ARSB: variants seen among roughly 807,000 people sequenced by gnomAD.
ARSB encodes the protein arylsulfatase B.
In ARSB, 41 loss-of-function variants were observed where a neutral mutation model predicts 50.9. The ratio of observed to expected loss-of-function variants is 0.81; its 90% CI spans 0.63 to 1.04. The LOEUF (loss-of-function observed/expected upper bound fraction) is 1.04, where lower values mean the gene tolerates loss of function less well. ARSB is among the 50% of genes least tolerant of loss of function. The probability of loss-of-function intolerance (pLI) is 0.00; values close to 1 mark genes in which losing one functional copy is unlikely to be tolerated. For synonymous variants in ARSB, 269 were observed against 284.8 expected (o/e 0.94, Z 0.56); for missense variants, 672 against 693.3 (o/e 0.97, Z 0.35).
At chr5:78,874,237 T>G (rs1326685519) in intron 5 of ARSB, among the ~76,000 whole-genome samples, 2 of 152,228 alleles carry the variant, frequency 1.3e-5, no homozygotes, top group South Asian at 4.1e-4. Context: ...AACTAAGAGA[T>G]AATTGTGAAC....
intron 3 of ARSB, among the ~76,000 whole-genome samples, chr5:78,961,338 T>C (rs575271827): frequency 1.6e-4 from 25 of 152,368 alleles, no homozygotes; most frequent in African/African-American, 2.4e-4. Context: ...AGCTTGACTA[T>C]TGATTATTTC....
intron 4 of ARSB, among the ~76,000 whole-genome samples, chr5:78,911,446 C>A (rs10942880): frequency 0.29 from 43,763 of 150,954 alleles, 6,606 homozygotes; most frequent in Middle Eastern, 0.36. Context: ...TGGTGGTGCA[C>A]GCCTGTAATT....
intron 5 of ARSB, among the ~76,000 whole-genome samples, chr5:78,877,839 T>C (rs1231577024): frequency 6.6e-6 from 1 of 152,170 alleles, no homozygotes; most frequent in East Asian, 1.9e-4. Flanking sequence ...AGAAGTGATA[T>C]AGATGTTGGA....
chr5:78,966,134 A>G (rs921945), intron 2 of ARSB, among the ~76,000 whole-genome samples: 40,289 of 152,124 alleles, frequency 0.26, 6,641 homozygotes, highest in African/African-American at 0.47. Flanking sequence ...TCTATCAGTT[A>G]GCAGAATATA....
At chr5:78,883,630 A>C (rs1301810002) in intron 5 of ARSB, 1 of 152,244 alleles carries the variant, frequency 6.6e-6, no homozygotes, top group Non-Finnish European at 1.5e-5. Flanking sequence ...TAATTGAAAG[A>C]AGGTTATAAA....
chr5:78,867,074 C>T (rs1313470873), intron 5 of ARSB, among the ~76,000 whole-genome samples: 4 of 152,104 alleles, frequency 2.6e-5, no homozygotes, highest in South Asian at 2.1e-4. Context: ...CCTGGAAAAT[C>T]GGGTCACTCC....
At chr5:78,975,961 G>A (rs1752642897) in intron 1 of ARSB, among the ~76,000 whole-genome samples, 1 of 152,232 alleles carries the variant, frequency 6.6e-6, no homozygotes, top group South Asian at 2.1e-4. Flanking sequence ...TAAGAATATG[G>A]AAAATTAGTA....
upstream of ARSB, chr5:78,985,940 C>G (rs982877882): frequency 6.6e-6 from 1 of 152,306 alleles, no homozygotes; most frequent in Admixed American, 6.5e-5. Context: ...CGGTTACTTT[C>G]AAGTTGCCCT....
At chr5:78,914,953 C>T (rs978024402) in intron 4 of ARSB, among the ~76,000 whole-genome samples, 2 of 152,228 alleles carry the variant, frequency 1.3e-5, no homozygotes, top group Admixed American at 6.5e-5. Context: ...GTAGCCACCA[C>T]ACCTGGCCTC....
chr5:78,835,873 T>C (rs1236038924), intron 6 of ARSB, among the ~76,000 whole-genome samples: 2 of 152,166 alleles, frequency 1.3e-5, no homozygotes, highest in African/African-American at 4.8e-5. Flanking sequence ...CGCTACCTTC[T>C]TCTCCCGCAG....
chr5:78,866,268 T>C (rs547121040), intron 5 of ARSB, among the ~76,000 whole-genome samples: 2 of 152,160 alleles, frequency 1.3e-5, no homozygotes, highest in Non-Finnish European at 2.9e-5. Flanking sequence ...ACGTTTTACA[T>C]GAATGGCAGC....
intron 1 of ARSB, among the ~76,000 whole-genome samples, chr5:78,978,376 T>G (rs1403069507): frequency 6.6e-6 from 1 of 151,008 alleles, no homozygotes; most frequent in African/African-American, 2.4e-5. Context: ...CAGAAAGACA[T>G]CTCATATTCT....
chr5:78,973,794 G>A (rs559913972), intron 1 of ARSB, among the ~76,000 whole-genome samples: 2 of 152,318 alleles, frequency 1.3e-5, no homozygotes, highest in South Asian at 4.1e-4. Flanking sequence ...CACCTCAACA[G>A]TGTTGAGATA....
chr5:78,932,185 T>C (rs1464102692), intron 4 of ARSB, among the ~76,000 whole-genome samples: 1 of 152,238 alleles, frequency 6.6e-6, no homozygotes, highest in African/African-American at 2.4e-5. Flanking sequence ...TTGTTTTAGT[T>C]GGAATTCAGT....
chr5:78,941,682 G>C (rs1750933496), intron 4 of ARSB, among the ~76,000 whole-genome samples: 1 of 152,100 alleles, frequency 6.6e-6, no homozygotes, highest in Non-Finnish European at 1.5e-5. Flanking sequence ...GATTTGGTTT[G>C]CCAGTATTTT....
chr5:78,793,231 G>A (rs1045041862), intron 6 of ARSB, among the ~76,000 whole-genome samples: 1 of 152,194 alleles, frequency 6.6e-6, no homozygotes, highest in African/African-American at 2.4e-5. Context: ...GGTAGCCCAT[G>A]TCATGGATGG....
At chr5:78,851,477 C>T (rs1234210826) in intron 5 of ARSB, among the ~76,000 whole-genome samples, 1 of 151,888 alleles carries the variant, frequency 6.6e-6, no homozygotes, top group East Asian at 1.9e-4. Context: ...GCTTTACTTC[C>T]AACTATGTGG....
chr5:78,908,557 G>C (rs1225419450), intron 4 of ARSB, among the ~76,000 whole-genome samples: 4 of 152,058 alleles, frequency 2.6e-5, no homozygotes, highest in Non-Finnish European at 5.9e-5. Context: ...GGCTCTGTGC[G>C]GGCAGCCTGG....
At chr5:78,811,673 A>G (rs1743810062) in intron 6 of ARSB, among the ~76,000 whole-genome samples, 1 of 152,250 alleles carries the variant, frequency 6.6e-6, no homozygotes, top group Non-Finnish European at 1.5e-5. Context: ...CACTGCAGCC[A>G]TTCTGGCATG....
Sources: gnomAD v4.1 joint callset for allele counts (sites outside exome capture counted in the v4.1 genomes callset) on GRCh38, gnomAD v4.1.1 for gene constraint, MANE v1.5 for transcripts, NCBI Gene and HGNC (gene_info 2026-07-23, HGNC 2026-07-21) for gene names.